The following MIER1 variants were observed in gnomAD, a reference collection of about 807,000 sequenced individuals.
MIER1 encodes the protein MIER1 transcriptional regulator.
In MIER1, 40 loss-of-function variants were observed where a neutral mutation model predicts 75.7. The ratio of observed to expected loss-of-function variants is 0.53; its 90% CI spans 0.41 to 0.69. The LOEUF (loss-of-function observed/expected upper bound fraction) is 0.69, where lower values mean the gene tolerates loss of function less well. MIER1 is among the 30% of genes least tolerant of loss of function. The probability of loss-of-function intolerance (pLI) is 0.00; values close to 1 mark genes in which losing one functional copy is unlikely to be tolerated. For missense variants in MIER1, 574 were observed against 680.2 expected (o/e 0.84, Z 1.74); for synonymous variants, 213 against 223.4 (o/e 0.95, Z 0.42).
In MIER1 at chr1:66,985,059, C is replaced by T. The variant is rs1274875225; in HGVS notation, c.*159C>T. On this transcript the variant is annotated 3_prime_UTR_variant, in exon 14 of 14. Coordinates refer to ENST00000401041, the MANE Select transcript of MIER1 (RefSeq NM_001077700.3). ...TGAGGTTTCATAATTCTGCCTTTTG[C>T]AGATTTTTTTACTTTAAAGCTGTCA... 7.4e-7 allele frequency: 1 copy of T among 1,355,352 alleles called. No individual in the cohort carries two copies. Among genetic ancestry groups the T allele is most frequent in the African/African-American group, 1.5e-5 (1 of 66,746 alleles). 84.0% of individuals were successfully genotyped at this position (1,355,352 alleles called of 1,614,324 possible). A position where few individuals can be genotyped will look rare whatever the true frequency, so the allele number is the denominator to read the frequency against.
At chr1:66,925,135 C>G in intron 1 of MIER1, 40 bp downstream of exon 1, 2 of 1,540,570 alleles carry the variant, frequency 1.3e-6, no homozygotes, top group Non-Finnish European at 1.7e-6. Context: ...CCCTTCTATT[C>G]CAGTTTGGGA....
intron 12 of MIER1, among the ~76,000 whole-genome samples, chr1:66,979,546 C>T (rs1248487625): frequency 6.6e-6 from 1 of 152,144 alleles, no homozygotes; most frequent in Non-Finnish European, 1.5e-5. Context: ...AATAATTTTT[C>T]CAAAAACTAA....
chr1:66,946,267 T>A lies in MIER1; in HGVS notation c.311T>A (p.Phe104Tyr), dbSNP rs539087042. 19 of 1,609,622 alleles carry A rather than the reference T, an allele frequency of 1.2e-5. No individual in the cohort carries two copies. In the South Asian group the frequency reaches 2.1e-4, roughly 18 times the overall value. Residue 104 changes from phenylalanine (F) to tyrosine (Y), a missense_variant, in exon 4 of 14, where the codon TTC becomes TAC. Coordinates refer to ENST00000401041, the MANE Select transcript of MIER1 (RefSeq NM_001077700.3). Reference protein sequence around the residue: ...EEEMMEGETNFSSEIEDLARE... With the variant: ...EEEMMEGETNYSSEIEDLARE... ...GAAATGATGGAAGGAGAAACAAACT[T>A]CAGCTCTGAAATAGAAGATCTTGCA...
intron 3 of MIER1, among the ~76,000 whole-genome samples, chr1:66,943,534 C>T (rs1213163385): frequency 2.0e-5 from 3 of 151,046 alleles, no homozygotes; most frequent in Non-Finnish European, 3.0e-5. Context: ...CTATCTTTTC[C>T]TTTCCTTTCG....
At chr1:66,934,464 C>T (rs1405299679) in intron 2 of MIER1, among the ~76,000 whole-genome samples, 2 of 144,226 alleles carry the variant, frequency 1.4e-5, no homozygotes, top group Non-Finnish European at 3.0e-5. Context: ...AGTGCAGTGG[C>T]GCAAATCATA....
At chr1:66,946,534 A>C in intron 4 of MIER1, 1 of 1,176,040 alleles carries the variant, frequency 8.5e-7, no homozygotes, top group Non-Finnish European at 1.0e-6. Context: ...TAGACTGTTA[A>C]ATGATTCTGC....
At chr1:66,944,456 TACAATATTTTACAG>T (rs1328840160) in intron 3 of MIER1, among the ~76,000 whole-genome samples, 1 of 151,248 alleles carries the variant, frequency 6.6e-6, no homozygotes, top group South Asian at 2.1e-4. Flanking sequence ...GCCAATGTAG[TACAATATTTTACAG>T]ACAATATTTT....
At position 66,985,560 on chromosome 1, in the gene MIER1, A is replaced by G; in HGVS notation, c.*660A>G. On this transcript the variant is annotated 3_prime_UTR_variant, in exon 14 of 14. Transcript: ENST00000401041. Reference sequence around the variant, plus strand: ...TAAGAAATACATTCTGTATTTTTCCAGATTCTTTGTAGCCTTTGAAAGATT... The same window carrying G: ...TAAGAAATACATTCTGTATTTTTCCGGATTCTTTGTAGCCTTTGAAAGATT... 1.0e-6 allele frequency: 1 copy of G among 985,320 alleles called. No individual in the cohort carries two copies. The highest frequency in any genetic ancestry group is 1.2e-6 in the Non-Finnish European group (1 of 829,754). 61.0% of individuals were successfully genotyped at this position (985,320 alleles called of 1,614,324 possible). A position where few individuals can be genotyped will look rare whatever the true frequency, so the allele number is the denominator to read the frequency against.
intron 12 of MIER1, among the ~76,000 whole-genome samples, chr1:66,980,630 CTT>C (rs1280175082): frequency 2.0e-5 from 3 of 152,120 alleles, no homozygotes; most frequent in African/African-American, 7.2e-5. Flanking sequence ...AGAGATTTGT[CTT>C]AATATTTCTA....
At chr1:66,936,936 T>A (rs1654997617) in intron 2 of MIER1, among the ~76,000 whole-genome samples, 1 of 142,528 alleles carries the variant, frequency 7.0e-6, no homozygotes. Flanking sequence ...AAGGCCGAGA[T>A]TGCAGTGAGC....
chr1:66,961,227 T>G (rs1362598051), intron 7 of MIER1, among the ~76,000 whole-genome samples: 3 of 152,294 alleles, frequency 2.0e-5, no homozygotes, highest in Admixed American at 1.3e-4. Flanking sequence ...TTTTAAGACT[T>G]ATAAGATGAA....
At chr1:66,967,340 G>C (rs1361969955) in intron 8 of MIER1, among the ~76,000 whole-genome samples, 1 of 151,972 alleles carries the variant, frequency 6.6e-6, no homozygotes, top group African/African-American at 2.4e-5. Flanking sequence ...TCTGGGTCCT[G>C]TGTTCTGTTC....
At chr1:66,945,718 T>G (rs902119327) in intron 3 of MIER1, among the ~76,000 whole-genome samples, 1 of 152,048 alleles carries the variant, frequency 6.6e-6, no homozygotes, top group African/African-American at 2.4e-5. Flanking sequence ...ATTAAAAAAT[T>G]AGCTGTGTGT....
intron 11 of MIER1, 125 bp from the exon 12 acceptor site, chr1:66,976,463 CTGTTGTA>C: frequency 1.5e-6 from 1 of 651,076 alleles, no homozygotes; most frequent in Non-Finnish European, 2.4e-6. Context: ...AGCTGCTACA[CTGTTGTA>C]TGTTATATAT....
chr1:66,927,056 G>A (rs1651990400), intron 2 of MIER1, among the ~76,000 whole-genome samples: 1 of 152,138 alleles, frequency 6.6e-6, no homozygotes, highest in South Asian at 2.1e-4. Flanking sequence ...GTAAGATTGT[G>A]CTCCTAAATG....
At chr1:66,951,641 T>C (rs1658983485) in intron 4 of MIER1, among the ~76,000 whole-genome samples, 1 of 152,088 alleles carries the variant, frequency 6.6e-6, no homozygotes, top group Admixed American at 6.6e-5. Context: ...AGTGCAGTGG[T>C]GCAGTCATAG....
rs115293462 is a variant in MIER1, at chr1:66,946,436, G to A, written c.339+141G>A. On this transcript the variant is annotated intron_variant, in intron 4 of 13. Coordinates refer to ENST00000401041, the MANE Select transcript of MIER1 (RefSeq NM_001077700.3). ...AAAAATTTTGTGTGATCATAGGTGG[G>A]ATATTTAAAGTTTGAAATGAAAGGA... 450 of 1,360,638 alleles carry A rather than the reference G, an allele frequency of 3.3e-4. 3 individuals carry two copies. The African/African-American group carries it at 6.6e-3, about 20-fold the overall frequency. The allele number at this position is 1,360,638 out of a possible 1,614,324, so 84.3% of individuals were successfully genotyped here.
chr1:66,959,116 G>T (rs1660734005), intron 6 of MIER1, 133 bp downstream of exon 6: 2 of 757,616 alleles, frequency 2.6e-6, no homozygotes, highest in South Asian at 2.0e-5. Context: ...GGATTTTGTT[G>T]TAAGTTATTA....
chr1:66,967,644 ATTT>A (rs34847834), intron 8 of MIER1, among the ~76,000 whole-genome samples: 1 of 142,720 alleles, frequency 7.0e-6, no homozygotes. Context: ...ATATCATTCC[ATTT>A]TTTTTTTTTT....
Sources: gnomAD v4.1 joint callset for allele counts (sites outside exome capture counted in the v4.1 genomes callset) on GRCh38, gnomAD v4.1.1 for gene constraint, MANE v1.5 for transcripts, NCBI Gene and HGNC (gene_info 2026-07-23, HGNC 2026-07-21) for gene names.